The following ZNF407 variants were observed in gnomAD, a reference collection of about 807,000 sequenced individuals.
ZNF407 encodes the protein zinc finger protein 407.
A neutral mutation model predicts 131.2 loss-of-function variants in ZNF407; 17 were observed. That is an observed-to-expected ratio of 0.13 (90% confidence interval 0.09 to 0.19). The LOEUF (loss-of-function observed/expected upper bound fraction) is 0.19, where lower values mean the gene tolerates loss of function less well. Ranked by LOEUF, ZNF407 falls within the 10% of genes least tolerant of loss-of-function variation. The probability of loss-of-function intolerance (pLI) is 1.00; values close to 1 mark genes in which losing one functional copy is unlikely to be tolerated. For missense variants in ZNF407, 2,681 were observed against 2,830.6 expected, an observed-to-expected ratio of 0.95 and a Z score of 1.20; for synonymous variants, 1,156 against 1,062.0, an observed-to-expected ratio of 1.09 and a Z score of -1.72.
At chr18:74,652,743 G>T (rs529268367) in intron 3 of ZNF407, among the ~76,000 whole-genome samples, 8 of 145,578 alleles carry the variant, frequency 5.5e-5, no homozygotes, top group Non-Finnish European at 1.2e-4. Context: ...AGAACTATTG[G>T]CAAAACTTTC....
intron 4 of ZNF407, among the ~76,000 whole-genome samples, chr18:74,816,969 CT>C: frequency 6.6e-6 from 1 of 152,128 alleles, no homozygotes; most frequent in East Asian, 1.9e-4. Context: ...AAAAATTTAT[CT>C]TTGAATAAAA....
chr18:74,875,118 G>A (rs1971138191), intron 4 of ZNF407, among the ~76,000 whole-genome samples: 1 of 152,214 alleles, frequency 6.6e-6, no homozygotes, highest in Admixed American at 6.5e-5. Flanking sequence ...CAGAATTTGT[G>A]TAGTTCCAGA....
At position 74,634,737 on chromosome 18, in the gene ZNF407, G is replaced by T. The variant is rs369647346; in HGVS notation, c.3718G>T (p.Gly1240Cys). The T allele has an allele frequency of 1.2e-5, 20 of 1,613,914 alleles. No individual in the cohort carries two copies. In the Admixed American group the frequency reaches 3.3e-4, roughly 27 times the overall value. ...GGGTGAAGGAGGAAACGCAGGAGAC[G>T]GTGGAGGTGTTGTCCCCCACAGACA... ...CEGEGGNAGD[G>C]GGVVPHRHLC... is the part of the protein sequence containing the mutation. The change falls in exon 2 of 9, where the codon GGT becomes TGT. Residue 1240 changes from glycine (G) to cysteine (C), a missense_variant. This residue lies in a region of ZNF407 where 1,789 missense variants were observed against 1,748.7 expected (regional missense o/e 1.02). Coordinates refer to ENST00000299687, the MANE Select transcript of ZNF407 (RefSeq NM_017757.3).
At chr18:74,767,335 A>T (rs530356344) in intron 3 of ZNF407, among the ~76,000 whole-genome samples, 1 of 152,318 alleles carries the variant, frequency 6.6e-6, no homozygotes, top group South Asian at 2.1e-4. Flanking sequence ...TAACTTCTGC[A>T]TCTCGCCAAT....
intron 8 of ZNF407, among the ~76,000 whole-genome samples, chr18:75,025,257 CT>C: frequency 6.6e-6 from 1 of 152,224 alleles, no homozygotes; most frequent in East Asian, 1.9e-4. Context: ...TGGATTCGAC[CT>C]TAAGGTATTC....
chr18:74,774,400 C>T (rs1461480491), intron 3 of ZNF407, among the ~76,000 whole-genome samples: 2 of 152,148 alleles, frequency 1.3e-5, no homozygotes, highest in Admixed American at 6.5e-5. Context: ...ATATCACCTA[C>T]AGATTACTTA....
chr18:75,023,026 G>T (rs1973129206), intron 8 of ZNF407, among the ~76,000 whole-genome samples: 1 of 152,138 alleles, frequency 6.6e-6, no homozygotes, highest in Non-Finnish European at 1.5e-5. Context: ...CATGTCCTTT[G>T]CTGGGACTTG....
intron 8 of ZNF407, among the ~76,000 whole-genome samples, chr18:74,938,544 G>A (rs904369645): frequency 3.3e-5 from 5 of 150,600 alleles, no homozygotes; most frequent in South Asian, 4.2e-4. Flanking sequence ...CCATTTACTC[G>A]TGTACCACTT....
rs776219438 is a variant in ZNF407 at position 74,631,401 on chromosome 18, C to A, written c.382C>A (p.Pro128Thr). 6.2e-7 allele frequency: 1 copy of A among 1,613,916 alleles called. No homozygotes were observed. Among genetic ancestry groups the A allele is most frequent in the South Asian group, 1.1e-5 (1 of 91,080 alleles). ...CTGCACAGTTGGAGGCACATGTCTCCCAAATGCCCTCTCCCCTTCTTGCAA... is the reference window on the plus strand; with the variant it reads ...CTGCACAGTTGGAGGCACATGTCTCACAAATGCCCTCTCCCCTTCTTGCAA... ...SDCTVGGTCL[P>T]NALSPSCNFS... Residue 128 changes from proline to threonine, a missense_variant, in exon 2 of 9, where the codon CCA (proline) becomes ACA (threonine). By Grantham distance (38) the Pro-to-Thr change is conservative. Around this residue, in one of 6 missense-constraint regions of ZNF407, gnomAD observed 1,789 missense variants for 1,748.7 expected, o/e 1.02. Transcript: ENST00000299687.
chr18:75,021,860 T>C (rs968715051), intron 8 of ZNF407, among the ~76,000 whole-genome samples: 2 of 152,016 alleles, frequency 1.3e-5, no homozygotes, highest in Non-Finnish European at 2.9e-5. Context: ...CTATATAAGC[T>C]ACATTCTGTA....
At chr18:74,860,266 T>C (rs979816183) in intron 4 of ZNF407, among the ~76,000 whole-genome samples, 3 of 151,928 alleles carry the variant, frequency 2.0e-5, no homozygotes, top group Admixed American at 6.6e-5. Flanking sequence ...CATCGCACTC[T>C]AGCCTTGGCA....
chr18:74,797,641 A>G (rs1459919635), intron 4 of ZNF407, among the ~76,000 whole-genome samples: 2 of 152,188 alleles, frequency 1.3e-5, no homozygotes, highest in Admixed American at 6.5e-5. Context: ...GAGAGGGGTG[A>G]CCTTATATTA....
chr18:74,820,648 T>C (rs2145101321), intron 4 of ZNF407, among the ~76,000 whole-genome samples: 1 of 152,342 alleles, frequency 6.6e-6, no homozygotes, highest in East Asian at 1.9e-4. Context: ...CTTGCCATTC[T>C]GGGAAAGTTG....
chr18:74,816,052 C>T (rs1476759321), intron 4 of ZNF407, among the ~76,000 whole-genome samples: 1 of 152,150 alleles, frequency 6.6e-6, no homozygotes, highest in South Asian at 2.1e-4. Flanking sequence ...TTATTATGCT[C>T]ATGAGTGTCC....
chr18:74,825,828 A>G (rs780937893), intron 4 of ZNF407, among the ~76,000 whole-genome samples: 1 of 152,160 alleles, frequency 6.6e-6, no homozygotes, highest in Admixed American at 6.5e-5. Flanking sequence ...ACATACTGAT[A>G]TATAGGAAAT....
intron 8 of ZNF407, among the ~76,000 whole-genome samples, chr18:74,971,752 C>G (rs1672299063): frequency 6.6e-6 from 1 of 152,180 alleles, no homozygotes; most frequent in South Asian, 2.1e-4. Flanking sequence ...TGCCTCTTAC[C>G]CAGTTCCAAA....
At position 74,734,523 on chromosome 18, in the gene ZNF407, T is replaced by C. The variant is rs374469674; in HGVS notation, c.4803-46905T>C. Reference sequence around the variant, plus strand: ...TCTTCTATAGGTACATAATCTTTTATAAGTGTTTTTAATTTAAAATGAGAC... The same window carrying C: ...TCTTCTATAGGTACATAATCTTTTACAAGTGTTTTTAATTTAAAATGAGAC... On this transcript the variant is annotated intron_variant, in intron 3 of 8. Transcript: ENST00000299687. 6.6e-5 allele frequency among the ~76,000 whole-genome samples: 10 copies of C among 152,338 alleles called. No individual in the cohort carries two copies. The South Asian group carries it at 2.1e-3, about 32-fold the overall frequency.
intron 8 of ZNF407, among the ~76,000 whole-genome samples, chr18:74,971,463 G>A (rs138489333): frequency 0.024 from 3,647 of 152,216 alleles, 69 homozygotes; most frequent in Middle Eastern, 0.11. Context: ...AATTTCTTCT[G>A]CCAGATACCC....
chr18:75,021,948 T>C (rs1369690268), intron 8 of ZNF407, among the ~76,000 whole-genome samples: 1 of 151,870 alleles, frequency 6.6e-6, no homozygotes, highest in East Asian at 1.9e-4. Context: ...ATTAAAATTT[T>C]ATATATTTTT....
Sources: gnomAD v4.1 joint callset for allele counts (sites outside exome capture counted in the v4.1 genomes callset) on GRCh38, gnomAD v4.1.1 for gene constraint, gnomAD v4.1.1 regional missense constraint, MANE v1.5 for transcripts, NCBI Gene and HGNC (gene_info 2026-07-23, HGNC 2026-07-21) for gene names.